The following PTPRD variants were observed in gnomAD, a reference collection of about 807,000 sequenced individuals.
PTPRD encodes receptor-type tyrosine-protein phosphatase delta.
A neutral mutation model predicts 214.5 loss-of-function variants in PTPRD; 34 were observed. That is an observed-to-expected ratio of 0.16 (90% CI 0.12 to 0.21). The LOEUF (loss-of-function observed/expected upper bound fraction) is 0.21. Among genes scored for constraint, PTPRD ranks in the 10% least tolerant of loss-of-function variants. The probability of loss-of-function intolerance (pLI) is 1.00; values close to 1 mark genes in which losing one functional copy is unlikely to be tolerated. For missense variants in PTPRD, 2,545 were observed against 2,398.7 expected, an observed-to-expected ratio of 1.06 and a Z score of -1.27; for synonymous variants, 1,128 against 845.7, an observed-to-expected ratio of 1.33 and a Z score of -5.79.
intron 5 of PTPRD, among the ~76,000 whole-genome samples, chr9:9,812,805 T>A (rs1185877599): frequency 6.6e-6 from 1 of 151,952 alleles, no homozygotes; most frequent in East Asian, 1.9e-4. Context: ...ATGCAGAAAA[T>A]GCCATTTAAG....
At chr9:10,270,629 G>A (rs1414419260) in intron 3 of PTPRD, among the ~76,000 whole-genome samples, 1 of 151,952 alleles carries the variant, frequency 6.6e-6, no homozygotes, top group Non-Finnish European at 1.5e-5. Context: ...AACACTTCAG[G>A]CTCAATAATG....
chr9:9,364,638 A>G (rs963997162), intron 9 of PTPRD, among the ~76,000 whole-genome samples: 3 of 151,322 alleles, frequency 2.0e-5, no homozygotes, highest in Non-Finnish European at 4.4e-5. Context: ...AAGAAAGAGG[A>G]AAGTTATGGA....
intron 5 of PTPRD, among the ~76,000 whole-genome samples, chr9:9,856,289 G>A (rs931108909): frequency 2.2e-4 from 33 of 152,074 alleles, no homozygotes; most frequent in Non-Finnish European, 8.8e-5. Flanking sequence ...GCAGGGCTGG[G>A]CCATGGGTGG....
intron 3 of PTPRD, among the ~76,000 whole-genome samples, chr9:10,149,621 C>A (rs918769987): frequency 6.6e-6 from 1 of 152,172 alleles, no homozygotes; most frequent in Non-Finnish European, 1.5e-5. Context: ...ATTATAGACC[C>A]AGGCCATGCA....
At chr9:8,759,017 G>T (rs371777817) in intron 11 of PTPRD, among the ~76,000 whole-genome samples, 3 of 149,168 alleles carry the variant, frequency 2.0e-5, no homozygotes, top group East Asian at 2.0e-4. Flanking sequence ...TCACAAAGGT[G>T]TTCTTTGGTT....
chr9:9,167,970 T>A (rs987892843), intron 10 of PTPRD, among the ~76,000 whole-genome samples: 7 of 152,150 alleles, frequency 4.6e-5, no homozygotes, highest in Non-Finnish European at 8.8e-5. Flanking sequence ...TTCTGTGGGG[T>A]CCTTCTGTGG....
At chr9:9,791,008 G>T (rs185511508) in intron 5 of PTPRD, among the ~76,000 whole-genome samples, 3 of 152,066 alleles carry the variant, frequency 2.0e-5, no homozygotes, top group African/African-American at 4.8e-5. Context: ...ACCAGAAAAC[G>T]TAATAGATAA....
chr9:10,009,510 C>T (rs77424415), intron 4 of PTPRD, among the ~76,000 whole-genome samples: 6 of 151,928 alleles, frequency 3.9e-5, no homozygotes, highest in Admixed American at 1.3e-4. Flanking sequence ...CACCTAGAAG[C>T]AATAGAAAGG....
intron 11 of PTPRD, among the ~76,000 whole-genome samples, chr9:8,936,403 G>A (rs1588411975): frequency 9.4e-6 from 1 of 106,200 alleles, no homozygotes; most frequent in South Asian, 3.4e-4. Flanking sequence ...CTCCAGCCTA[G>A]GCAACAGAGC....
At chr9:10,027,852 G>A (rs910804682) in intron 4 of PTPRD, among the ~76,000 whole-genome samples, 2 of 152,084 alleles carry the variant, frequency 1.3e-5, no homozygotes, top group African/African-American at 2.4e-5. Context: ...GATATGAATT[G>A]CCTTTTTCTC....
chr9:8,610,736 T>C (rs986138560), intron 14 of PTPRD, among the ~76,000 whole-genome samples: 2 of 152,232 alleles, frequency 1.3e-5, no homozygotes, highest in African/African-American at 4.8e-5. Context: ...CATTATTTCA[T>C]CCAGTCTAGT....
intron 9 of PTPRD, among the ~76,000 whole-genome samples, chr9:9,235,421 A>T (rs1226183172): frequency 1.3e-5 from 2 of 152,166 alleles, no homozygotes; most frequent in African/African-American, 4.8e-5. Flanking sequence ...TTGCACTCCT[A>T]CATGGCTGTC....
At chr9:9,353,038 A>G (rs2052094130) in intron 9 of PTPRD, among the ~76,000 whole-genome samples, 1 of 151,926 alleles carries the variant, frequency 6.6e-6, no homozygotes, top group Non-Finnish European at 1.5e-5. Context: ...AATTCTTCAA[A>G]ATTTTAATGC....
intron 8 of PTPRD, among the ~76,000 whole-genome samples, chr9:9,495,088 G>C (rs564181345): frequency 6.6e-6 from 1 of 152,034 alleles, no homozygotes; most frequent in East Asian, 1.9e-4. Flanking sequence ...TCAATAAATG[G>C]TACTGGGAAG....
intron 25 of PTPRD, among the ~76,000 whole-genome samples, chr9:8,499,270 T>C (rs994116880): frequency 8.5e-5 from 13 of 152,314 alleles, no homozygotes; most frequent in African/African-American, 3.1e-4. Flanking sequence ...AAGTTGCAAG[T>C]TGTTTTAGCA....
intron 5 of PTPRD, among the ~76,000 whole-genome samples, chr9:9,767,456 A>G (rs2098716144): frequency 6.6e-6 from 1 of 152,080 alleles, no homozygotes; most frequent in Non-Finnish European, 1.5e-5. Flanking sequence ...AGAATTGCTG[A>G]GTTGAAGCAC....
At chr9:8,774,736 G>C (rs571509021) in intron 11 of PTPRD, among the ~76,000 whole-genome samples, 1 of 151,906 alleles carries the variant, frequency 6.6e-6, no homozygotes, top group Non-Finnish European at 1.5e-5. Flanking sequence ...GTTTCTCCAT[G>C]TTGGTCAGGC....
At chr9:8,623,881 A>C (rs1440318577) in intron 14 of PTPRD, among the ~76,000 whole-genome samples, 1 of 151,970 alleles carries the variant, frequency 6.6e-6, no homozygotes, top group Non-Finnish European at 1.5e-5. Context: ...TGGTAACAGA[A>C]ATAATCAAAA....
intron 9 of PTPRD, among the ~76,000 whole-genome samples, chr9:9,216,107 T>G (rs990384845): frequency 2.0e-5 from 3 of 152,114 alleles, no homozygotes; most frequent in African/African-American, 7.2e-5. Flanking sequence ...CTGGTATAGT[T>G]ACCAACCTTC....
Sources: allele counts gnomAD v4.1 joint callset (sites outside exome capture counted in the v4.1 genomes callset), GRCh38; gene constraint gnomAD v4.1.1; transcripts MANE v1.5; gene names NCBI Gene and HGNC (gene_info 2026-07-23, HGNC 2026-07-21).